TWF2: variants seen among roughly 807,000 people sequenced by gnomAD.
TWF2 encodes twinfilin-2.
TWF2 carries 15 observed loss-of-function variants against 45.1 expected under a neutral mutation model. That is an observed-to-expected ratio of 0.33 (90% CI 0.22 to 0.51). The LOEUF (loss-of-function observed/expected upper bound fraction) is 0.51, where lower values mean the gene tolerates loss of function less well. TWF2 is among the 20% of genes least tolerant of loss of function. The pLI, the probability that TWF2 is intolerant of heterozygous loss-of-function variation, is 0.97. For synonymous variants in TWF2, 177 were observed against 195.8 expected, an observed-to-expected ratio of 0.90 and a Z score of 0.80; for missense variants, 423 against 469.1, an observed-to-expected ratio of 0.90 and a Z score of 0.91.
Position 52,239,121 on chromosome 3 carries a change from G to T in TWF2, c.-105C>A. 2 of 1,398,278 alleles carry T rather than the reference G, an allele frequency of 1.4e-6. No individual in the cohort carries two copies. The highest frequency in any genetic ancestry group is 9.4e-7 in the Non-Finnish European group (1 of 1,063,964). 86.6% of individuals were successfully genotyped at this position (1,398,278 alleles called of 1,614,324 possible). A position where few individuals can be genotyped will look rare whatever the true frequency, so the allele number is the denominator to read the frequency against. ...GGTGGAGGATGTGGCGGAGGCTGTC[G>T]ACCCTCGCGCAGCTTCCCGGGCGGT... On this transcript the variant is annotated 5_prime_UTR_variant, in exon 1 of 9. Transcript: ENST00000305533.
chr3:52,229,980 C>A lies in TWF2; in HGVS notation c.700G>T (p.Ala234Ser). The A allele has an allele frequency of 6.2e-7, 1 of 1,613,084 alleles. No homozygotes were observed. The highest frequency in any genetic ancestry group is 8.5e-7 in the Non-Finnish European group (1 of 1,179,982). Residue 234 changes from alanine (A) to serine (S), a missense_variant, in exon 7 of 9, where the codon GCC (alanine) becomes TCC (serine). Ala to Ser is a moderately conservative substitution (Grantham distance 99). Coordinates refer to ENST00000305533, the MANE Select transcript of TWF2 (RefSeq NM_007284.4). Reference protein sequence around the residue: ...QLPSRVPRDAARYHFFLYKHT... With the variant: ...QLPSRVPRDASRYHFFLYKHT... ...TTGTAGAGGAAGAAGTGGTAGCGGG[C>A]AGCATCTCGGGGCACCCGGGAGGGC...
intron 3 of TWF2, 64 bp from the exon 4 acceptor site, chr3:52,231,603 G>A (rs1383302442): frequency 1.3e-6 from 2 of 1,530,024 alleles, no homozygotes; most frequent in African/African-American, 1.4e-5. Flanking sequence ...GGAACAGACA[G>A]GTGCCTCTGG....
At position 52,229,045 on chromosome 3, in the gene TWF2, C is replaced by T; in HGVS notation, c.1039G>A (p.Asp347Asn). 1 of 1,611,818 alleles carries T rather than the reference C, an allele frequency of 6.2e-7. No individual in the cohort carries two copies. The highest frequency in any genetic ancestry group is 8.5e-7 in the Non-Finnish European group (1 of 1,179,854). ...RLIRGPGENGDDS is the reference protein window; with the variant it reads ...RLIRGPGENGNDS The stretch of plus-strand genomic sequence containing the variant: ...CCTGCTCCAGCCTCCTAGCTGTCAT[C>T]CCCATTTTCACCCGGGCCGCGGATG... The change falls in exon 9 of 9, where the codon GAT (aspartate) becomes AAT (asparagine). Residue 347 changes from aspartate to asparagine, a missense_variant. Coordinates refer to ENST00000305533, the MANE Select transcript of TWF2 (RefSeq NM_007284.4).
chr3:52,231,453 C>A lies in TWF2; in HGVS notation c.369G>T (p.Gly123=). The change falls in exon 4 of 9, where the codon GGG becomes GGT. Residue 123 remains glycine, a synonymous_variant. Transcript: ENST00000305533. The part of the protein sequence containing the change: ...GGGHIKDELF[G]TVKDDLSFAG... ...CCTGGCTTAGGATTACCTTCACAGT[C>A]CCGAAGAGCTCATCCTTGATGTGGC... 1.2e-6 allele frequency: 2 copies of A among 1,613,914 alleles called. No homozygotes were observed. The highest frequency in any genetic ancestry group is 1.7e-6 in the Non-Finnish European group (2 of 1,179,900).
chr3:52,231,614 A>T, intron 3 of TWF2, 75 bp from the exon 4 acceptor site: 5 of 1,491,412 alleles, frequency 3.4e-6, no homozygotes, highest in Non-Finnish European at 4.5e-6. Flanking sequence ...GTGCCTCTGG[A>T]GGAACTCGGT....
intron 2 of TWF2, 181 bp from the exon 3 acceptor site, chr3:52,232,303 G>T: frequency 1.3e-6 from 1 of 767,712 alleles, no homozygotes; most frequent in Non-Finnish European, 2.0e-6. Flanking sequence ...GCAAGGGAAG[G>T]CACAAAGCTG....
chr3:52,235,165 G>A (rs1284338167), intron 1 of TWF2, 59 bp from the exon 2 acceptor site: 1 of 1,556,636 alleles, frequency 6.4e-7, no homozygotes, highest in Non-Finnish European at 8.8e-7. Flanking sequence ...AGACGAGTAT[G>A]GGGCCTGCTC....
chr3:52,229,598 C>T (rs994010661), intron 8 of TWF2, 63 bp downstream of exon 8: 18 of 1,587,418 alleles, frequency 1.1e-5, no homozygotes, highest in South Asian at 5.6e-5. Context: ...AGGACCCCAG[C>T]GCCCCACATG....
In TWF2 at chr3:52,229,175, C is replaced by T; in HGVS notation, c.909G>A (p.Leu303=). The change falls in exon 9 of 9, where the codon CTG becomes CTA. Residue 303 remains leucine, a synonymous_variant. Transcript: ENST00000305533. ...KKIEIGDGAE[L]TAEFLYDEVH... ...CCTCGTCGTAGAGGAACTCTGCCGT[C>T]AGCTCTGCCCCATCGCCAATCTCAA... is the stretch of plus-strand genomic sequence containing the variant. 1 of 1,612,486 alleles carries T rather than the reference C, an allele frequency of 6.2e-7. No individual in the cohort carries two copies. The highest frequency in any genetic ancestry group is 8.5e-7 in the Non-Finnish European group (1 of 1,179,998).
At chr3:52,236,352 T>C (rs912104322) in intron 1 of TWF2, among the ~76,000 whole-genome samples, 1 of 149,512 alleles carries the variant, frequency 6.7e-6, no homozygotes, top group Admixed American at 6.7e-5. Context: ...GCTGTAGAGC[T>C]GGAAGGTGAG....
intron 2 of TWF2, among the ~76,000 whole-genome samples, chr3:52,233,359 T>G (rs985676210): frequency 6.6e-5 from 10 of 152,238 alleles, no homozygotes; most frequent in African/African-American, 2.4e-4. Context: ...TCACAGTGAC[T>G]TTGAGTAGTC....
intron 2 of TWF2, among the ~76,000 whole-genome samples, chr3:52,232,716 C>A (rs141964257): frequency 6.6e-6 from 1 of 152,172 alleles, no homozygotes; most frequent in Non-Finnish European, 1.5e-5. Context: ...GCAGTCCCCT[C>A]GAAAATGTCA....
At chr3:52,234,641 G>A (rs1158825278) in intron 2 of TWF2, among the ~76,000 whole-genome samples, 3 of 152,176 alleles carry the variant, frequency 2.0e-5, no homozygotes, top group Non-Finnish European at 4.4e-5. Flanking sequence ...GCCAGGCCAG[G>A]CCACCAACAA....
chr3:52,239,143 C>G lies in TWF2; in HGVS notation c.-127G>C. 2 of 1,289,050 alleles carry G rather than the reference C, an allele frequency of 1.6e-6. No individual in the cohort carries two copies. The highest frequency in any genetic ancestry group is 4.0e-5 in the South Asian group (2 of 49,454). 79.9% of individuals were successfully genotyped at this position (1,289,050 alleles called of 1,614,324 possible). On this transcript the variant is annotated 5_prime_UTR_variant, in exon 1 of 9. Coordinates refer to ENST00000305533, the MANE Select transcript of TWF2 (RefSeq NM_007284.4). The stretch of plus-strand genomic sequence containing the variant: ...GTCGACCCTCGCGCAGCTTCCCGGG[C>G]GGTGCCGCAGGACCCGCCCCCAGCG...
chr3:52,238,013 G>C (rs965249176), intron 1 of TWF2, among the ~76,000 whole-genome samples: 4 of 152,240 alleles, frequency 2.6e-5, no homozygotes, highest in Admixed American at 2.0e-4. Context: ...GCCCCAGGTA[G>C]AGTCAGGGCA....
At chr3:52,235,251 G>C in intron 1 of TWF2, 145 bp from the exon 2 acceptor site, 1 of 611,532 alleles carries the variant, frequency 1.6e-6, no homozygotes, top group Non-Finnish European at 2.6e-6. Flanking sequence ...ACCTGAGACA[G>C]CCACTGAACA....
At chr3:52,231,830 T>A (rs1026636203) in intron 3 of TWF2, 114 bp downstream of exon 3, 2 of 1,448,994 alleles carry the variant, frequency 1.4e-6, no homozygotes, top group Non-Finnish European at 1.9e-6. Context: ...TGACAGCTCT[T>A]CCCCCACCCT....
intron 1 of TWF2, among the ~76,000 whole-genome samples, chr3:52,236,458 C>G (rs1002224326): frequency 3.3e-5 from 5 of 152,132 alleles, no homozygotes; most frequent in Admixed American, 6.5e-5. Context: ...ACAGGGAAAC[C>G]ACCACGGCCC....
Position 52,228,949 on chromosome 3 carries a change from C to T in TWF2, c.*85G>A. On this transcript the variant is annotated 3_prime_UTR_variant, in exon 9 of 9. Coordinates refer to ENST00000305533, the MANE Select transcript of TWF2 (RefSeq NM_007284.4). ...CTCCTGACCTCCCAGAAACACTTTC[C>T]TGGAGCCCAGGAAGGAGGATGGTGG... 1 of 1,539,026 alleles carries T rather than the reference C, an allele frequency of 6.5e-7. No homozygotes were observed. The highest frequency in any genetic ancestry group is 2.3e-5 in the East Asian group (1 of 44,070).
Sources: allele counts gnomAD v4.1 joint callset (sites outside exome capture counted in the v4.1 genomes callset), GRCh38; gene constraint gnomAD v4.1.1; transcripts MANE v1.5; gene names NCBI Gene and HGNC (gene_info 2026-07-23, HGNC 2026-07-21).